Variants in DOCK1 observed in about 807,000 individuals in gnomAD.
DOCK1 encodes the protein dedicator of cytokinesis protein 1.
DOCK1 carries 138 observed loss-of-function variants against 262.7 expected under a neutral mutation model. The ratio of observed to expected loss-of-function variants is 0.53; its 90% confidence interval spans 0.46 to 0.61. The LOEUF is 0.61. Among genes scored for constraint, DOCK1 ranks in the 20% least tolerant of loss-of-function variants. The probability of loss-of-function intolerance (pLI) is 0.00; values close to 1 mark genes in which losing one functional copy is unlikely to be tolerated. For missense variants in DOCK1, 1,908 were observed against 2,370.7 expected (o/e 0.80, Z 4.05); for synonymous variants, 866 against 867.4 (o/e 1.00, Z 0.03).
rs142416650 is a variant in DOCK1 at position 126,920,962 on chromosome 10, C to T, written c.46+15399C>T. On this transcript the variant is annotated intron_variant, in intron 1 of 51. Transcript: ENST00000623213. ...CTGTAATCCCAGCACGTTGGGAGGC[C>T]GAGGCGGGCAGATCACCTGAGGTCA... Among the ~76,000 whole-genome samples, 764 of 152,158 alleles carry T rather than the reference C, an allele frequency of 5.0e-3. 9 individuals carry two copies. The highest frequency in any genetic ancestry group is 0.018 in the African/African-American group (739 of 41,496).
At chr10:127,018,993 G>C in intron 13 of DOCK1, 158 bp downstream of exon 13, 2 of 1,136,202 alleles carry the variant, frequency 1.8e-6, no homozygotes, top group Non-Finnish European at 2.4e-6. Context: ...GGATCATGGG[G>C]CTGTGACCGG....
chr10:127,313,413 A>C (rs1484281191), intron 29 of DOCK1, among the ~76,000 whole-genome samples: 1 of 152,242 alleles, frequency 6.6e-6, no homozygotes, highest in African/African-American at 2.4e-5. Flanking sequence ...CACTACAAGC[A>C]CTGGACTTTT....
Position 127,176,992 on chromosome 10 carries a change from G to A in DOCK1, c.2847+49228G>A, listed in dbSNP as rs1182885. 0.5 allele frequency: 75,325 copies of A among 152,024 alleles called. 20,471 individuals are homozygous for A. Among genetic ancestry groups the A allele is most frequent in the East Asian group, 0.75 (3,852 of 5,146 alleles). 9.4% of individuals were successfully genotyped at this position (152,024 alleles called of 1,614,324 possible). On this transcript the variant is annotated intron_variant, in intron 27 of 51. Transcript: ENST00000623213. The surrounding 1 kb of genome is among the most constrained non-coding windows in gnomAD (Gnocchi z 4.4). The stretch of plus-strand genomic sequence containing the variant: ...GGGGGAGAGTTGGCCGTGCTCCTGG[G>A]TGGGAACCGTGAAGGAGAAGTCGTC...
chr10:127,392,758 C>T (rs930691545), intron 38 of DOCK1, among the ~76,000 whole-genome samples: 7 of 152,130 alleles, frequency 4.6e-5, no homozygotes, highest in Admixed American at 6.5e-5. Context: ...CCCCCAGCGC[C>T]GGGTCGGGGG....
intron 29 of DOCK1, among the ~76,000 whole-genome samples, chr10:127,262,091 C>T (rs1400088897): frequency 9.1e-5 from 8 of 87,448 alleles, no homozygotes; most frequent in Admixed American, 1.3e-4. Flanking sequence ...TGTGTGTGTA[C>T]CCGTGCTCCT....
intron 27 of DOCK1, among the ~76,000 whole-genome samples, chr10:127,225,252 T>C (rs1021082433): frequency 1.3e-5 from 2 of 152,242 alleles, no homozygotes; most frequent in African/African-American, 2.4e-5. Context: ...ATTTATGTTT[T>C]ATTGGTAAAG....
intron 27 of DOCK1, among the ~76,000 whole-genome samples, chr10:127,207,075 C>T (rs979437420): frequency 2.0e-5 from 3 of 152,046 alleles, no homozygotes; most frequent in African/African-American, 7.2e-5. Flanking sequence ...AGAATAGGAC[C>T]GCAATTGCCA....
chr10:127,185,183 C>T (rs2056112941), intron 27 of DOCK1, among the ~76,000 whole-genome samples: 2 of 152,160 alleles, frequency 1.3e-5, no homozygotes, highest in Non-Finnish European at 2.9e-5. Context: ...GAGTAGGTCC[C>T]TCTAAGTCTT....
intron 22 of DOCK1, among the ~76,000 whole-genome samples, chr10:127,057,745 G>A (rs1254404828): frequency 6.6e-6 from 1 of 152,118 alleles, no homozygotes; most frequent in African/African-American, 2.4e-5. Context: ...TCTCTTCTGG[G>A]TTTCTTGTGC....
At chr10:126,932,054 A>G (rs1202509008) in intron 1 of DOCK1, among the ~76,000 whole-genome samples, 1 of 152,148 alleles carries the variant, frequency 6.6e-6, no homozygotes, top group Non-Finnish European at 1.5e-5. Flanking sequence ...GACTCCTGAG[A>G]TGCTACGTAT....
intron 27 of DOCK1, among the ~76,000 whole-genome samples, chr10:127,225,951 G>A (rs2058619802): frequency 6.6e-6 from 1 of 151,982 alleles, no homozygotes; most frequent in Non-Finnish European, 1.5e-5. Context: ...GGTGGCGGGT[G>A]CCTGTAATCC....
rs540690487 is a variant in DOCK1, at chr10:127,154,807, A to G, written c.2847+27043A>G. Among the ~76,000 whole-genome samples the G allele has an allele frequency of 1.2e-4, 18 of 152,220 alleles. No homozygotes were observed. In the South Asian group the frequency reaches 3.7e-3, roughly 32 times the overall value. ...TGATCTTGGGGTCTTTCTGTAGTAT[A>G]TTGTTGAAGGTTGTATAAACATAAA... On this transcript the variant is annotated intron_variant, in intron 27 of 51. Transcript: ENST00000623213.
chr10:127,267,756 C>A (rs1260886454), intron 29 of DOCK1, among the ~76,000 whole-genome samples: 1 of 152,188 alleles, frequency 6.6e-6, no homozygotes, highest in Non-Finnish European at 1.5e-5. Context: ...TCTCTCCGCA[C>A]AAAGCAAAAT....
At chr10:127,253,098 C>T (rs912782652) in intron 28 of DOCK1, among the ~76,000 whole-genome samples, 13 of 152,112 alleles carry the variant, frequency 8.5e-5, no homozygotes, top group African/African-American at 2.9e-4. Flanking sequence ...CCATCCCAAC[C>T]CTTTTGGATT....
chr10:126,959,970 C>T (rs1056621797), intron 1 of DOCK1, among the ~76,000 whole-genome samples: 83 of 132,168 alleles, frequency 6.3e-4, no homozygotes, highest in Middle Eastern at 7.6e-3. Context: ...CCACCATGCC[C>T]GGCTAATTTG....
chr10:127,309,392 T>C (rs146531438), intron 29 of DOCK1, among the ~76,000 whole-genome samples: 2 of 152,202 alleles, frequency 1.3e-5, no homozygotes, highest in African/African-American at 4.8e-5. Context: ...GTAGGTTGCC[T>C]GTTCACTCTG....
In DOCK1 at chr10:127,425,901, A is replaced by G; in HGVS notation, c.4804A>G (p.Ile1602Val). ...TCCTTTTCTGGCCGAAGGGATCAGAATCCATGGAGACAAAGTCACGGAGGC... is the reference window on the plus strand; with the variant it reads ...TCCTTTTCTGGCCGAAGGGATCAGAGTCCATGGAGACAAAGTCACGGAGGC... ...QIPFLAEGIR[I>V]HGDKVTEALR... is the part of the protein sequence containing the mutation. Residue 1602 changes from isoleucine (I) to valine (V), a missense_variant, in exon 47 of 52, where the codon ATC becomes GTC. By Grantham distance (29) the Ile-to-Val change is conservative. Coordinates refer to ENST00000623213, the MANE Select transcript of DOCK1 (RefSeq NM_001290223.2). 1 of 1,614,036 alleles carries G rather than the reference A, an allele frequency of 6.2e-7. No homozygotes were observed. Among genetic ancestry groups the G allele is most frequent in the Non-Finnish European group, 8.5e-7 (1 of 1,179,888 alleles).
At chr10:127,430,086 C>T (rs2069178933) in intron 47 of DOCK1, among the ~76,000 whole-genome samples, 1 of 152,204 alleles carries the variant, frequency 6.6e-6, no homozygotes, top group African/African-American at 2.4e-5. Flanking sequence ...AGTCACAACA[C>T]CCGCTGGCCA....
At chr10:127,003,114 G>C (rs1351475869) in intron 10 of DOCK1, among the ~76,000 whole-genome samples, 1 of 152,020 alleles carries the variant, frequency 6.6e-6, no homozygotes, top group Non-Finnish European at 1.5e-5. Context: ...GAACCCACGT[G>C]AACCTTTATG....
Sources: gnomAD v4.1 joint callset for allele counts (sites outside exome capture counted in the v4.1 genomes callset) on GRCh38, gnomAD v4.1.1 for gene constraint, Gnocchi (gnomAD v3.1) non-coding constraint, MANE v1.5 for transcripts, NCBI Gene and HGNC (gene_info 2026-07-23, HGNC 2026-07-21) for gene names.